Variants in SMURF2 observed in about 807,000 individuals in gnomAD.
SMURF2 encodes E3 ubiquitin-protein ligase SMURF2.
SMURF2 carries 48 observed loss-of-function variants against 109.6 expected under a neutral mutation model. The ratio of observed to expected loss-of-function variants is 0.44; its 90% CI spans 0.35 to 0.56. The LOEUF is 0.56. Among genes scored for constraint, SMURF2 ranks in the 20% least tolerant of loss-of-function variants. The pLI, the probability that SMURF2 is intolerant of heterozygous loss-of-function variation, is 0.01. For synonymous variants in SMURF2, 288 were observed against 317.1 expected, an observed-to-expected ratio of 0.91 and a Z score of 0.97; for missense variants, 575 against 909.0, an observed-to-expected ratio of 0.63 and a Z score of 4.72.
chr17:64,556,360 T>C (rs1969120105), intron 13 of SMURF2, among the ~76,000 whole-genome samples: 1 of 152,026 alleles, frequency 6.6e-6, no homozygotes, highest in Admixed American at 6.6e-5. Flanking sequence ...CTTTCAATCC[T>C]AAACCTCCCT....
chr17:64,550,800 T>C (rs1286298162), intron 16 of SMURF2, among the ~76,000 whole-genome samples: 7 of 151,836 alleles, frequency 4.6e-5, no homozygotes, highest in Middle Eastern at 6.8e-3. Context: ...TAGATTCAAT[T>C]TATCCTAGGT....
At chr17:64,661,403 C>T (rs1180271656) in intron 1 of SMURF2, among the ~76,000 whole-genome samples, 2 of 152,034 alleles carry the variant, frequency 1.3e-5, no homozygotes, top group Non-Finnish European at 2.9e-5. Context: ...TTAAGCGCTC[C>T]ATCTTTAAGG....
chr17:64,581,123 T>C lies in SMURF2; in HGVS notation c.570-132A>G. 4 of 796,208 alleles carry C rather than the reference T, an allele frequency of 5.0e-6. No homozygotes were observed. In the South Asian group the frequency reaches 5.4e-5, roughly 11 times the overall value. 49.3% of individuals were successfully genotyped at this position (796,208 alleles called of 1,614,324 possible). On this transcript the variant is annotated intron_variant, in intron 7 of 18. Coordinates refer to ENST00000262435, the MANE Select transcript of SMURF2 (RefSeq NM_022739.4). The surrounding 1 kb of genome is among the most constrained non-coding windows in gnomAD (Gnocchi z 4.3). ...AACAGAATGACTAATACAAGTATAA[T>C]GACTTCAAGAACTCTGAGTAAAAGC...
intron 1 of SMURF2, among the ~76,000 whole-genome samples, chr17:64,607,281 GGAT>G (rs1555689140): frequency 6.6e-6 from 1 of 152,092 alleles, no homozygotes; most frequent in African/African-American, 2.4e-5. Flanking sequence ...TTACACGGAT[GGAT>G]GCTCAACCTT....
In SMURF2 at chr17:64,608,043, A is replaced by AAATCAATC. The variant is rs782109804; in HGVS notation, c.53-1404_53-1403insGATTGATT. ...TAAATAAATAAATAAATAAATAAAT[A>AAATCAATC]AATCTGCTTATAGAGTCATAAACTT... On this transcript the variant is annotated intron_variant, in intron 1 of 18. Transcript: ENST00000262435. Among the ~76,000 whole-genome samples, 256 of 148,926 alleles carry AAATCAATC rather than the reference A, an allele frequency of 1.7e-3. 1 individual carries two copies. The highest frequency in any genetic ancestry group is 5.6e-3 in the African/African-American group (226 of 40,238).
At chr17:64,588,045 GA>G (rs74410480) in intron 5 of SMURF2, among the ~76,000 whole-genome samples, 57 of 46,492 alleles carry the variant, frequency 1.2e-3, no homozygotes, top group Non-Finnish European at 1.7e-3. Flanking sequence ...TGCAAAGTAG[GA>G]AAAAAAAAAA....
chr17:64,581,560 C>T lies in SMURF2; in HGVS notation c.570-569G>A, dbSNP rs1969578509. On this transcript the variant is annotated intron_variant, in intron 7 of 18. Coordinates refer to ENST00000262435, the MANE Select transcript of SMURF2 (RefSeq NM_022739.4). This position sits in a 1 kb window ranked among gnomAD's most constrained non-coding sequence, Gnocchi z 4.3. ...CACCCAGTCATTTGACAATACATCA[C>T]AAAAGGAAAGAAGACAGTTTGTCTC... Among the ~76,000 whole-genome samples the T allele has an allele frequency of 6.6e-6, 1 of 152,120 alleles. No homozygotes were observed. Among genetic ancestry groups the T allele is most frequent in the African/African-American group, 2.4e-5 (1 of 41,416 alleles).
Position 64,606,602 on chromosome 17 carries a change from G to T in SMURF2, c.91C>A (p.Arg31=). 1 of 1,539,242 alleles carries T rather than the reference G, an allele frequency of 6.5e-7. No individual in the cohort carries two copies. The highest frequency in any genetic ancestry group is 8.8e-7 in the Non-Finnish European group (1 of 1,135,828). ...AKNLVKKDFF[R]LPDPFAKVVV... is the part of the protein sequence containing the mutation. ...CAAGATTTAAAGTTAATTTACTTACGGAAAAAATCCTTTTTCACCAGGTTT... is the reference window on the plus strand; with the variant it reads ...CAAGATTTAAAGTTAATTTACTTACTGAAAAAATCCTTTTTCACCAGGTTT... Residue 31 remains arginine, a splice_region_variant and synonymous_variant, in exon 2 of 19, where the codon CGA becomes AGA. Transcript: ENST00000262435.
intron 1 of SMURF2, among the ~76,000 whole-genome samples, chr17:64,613,347 T>A (rs1224835229): frequency 1.3e-5 from 2 of 152,188 alleles, no homozygotes; most frequent in Non-Finnish European, 2.9e-5. Context: ...GTATATACAA[T>A]ATTATAATTT....
At chr17:64,640,374 T>G (rs997063020) in intron 1 of SMURF2, among the ~76,000 whole-genome samples, 5 of 151,862 alleles carry the variant, frequency 3.3e-5, no homozygotes, top group African/African-American at 1.2e-4. Context: ...ATACAAAGAC[T>G]CTGAGGTGGA....
chr17:64,622,114 A>G (rs1055337852), intron 1 of SMURF2, among the ~76,000 whole-genome samples: 2 of 150,654 alleles, frequency 1.3e-5, no homozygotes, highest in Admixed American at 6.6e-5. Context: ...TAAAAATAAA[A>G]AGCAGTATAA....
At chr17:64,618,323 T>C (rs990826209) in intron 1 of SMURF2, among the ~76,000 whole-genome samples, 9 of 152,134 alleles carry the variant, frequency 5.9e-5, no homozygotes, top group Non-Finnish European at 1.0e-4. Context: ...GCACATTCAG[T>C]ATGAGATAAA....
chr17:64,650,429 G>A (rs144940731), intron 1 of SMURF2, among the ~76,000 whole-genome samples: 2 of 152,016 alleles, frequency 1.3e-5, no homozygotes, highest in Non-Finnish European at 2.9e-5. Flanking sequence ...CAAGCACAGA[G>A]AAAATAAGTG....
intron 10 of SMURF2, among the ~76,000 whole-genome samples, chr17:64,566,096 G>A (rs771190101): frequency 1.3e-5 from 2 of 151,354 alleles, no homozygotes; most frequent in African/African-American, 2.4e-5. Flanking sequence ...GTTAACACTT[G>A]TCTAAAGAAA....
chr17:64,613,077 C>A (rs1027245383), intron 1 of SMURF2, among the ~76,000 whole-genome samples: 2 of 152,168 alleles, frequency 1.3e-5, no homozygotes, highest in African/African-American at 4.8e-5. Context: ...CAAAACATGA[C>A]CTGAGAACTG....
rs199676755 is a variant in SMURF2 at position 64,566,079 on chromosome 17, AAACTCCG to A, written c.1017-3120_1017-3114del. 2.2e-3 allele frequency among the ~76,000 whole-genome samples: 337 copies of A among 152,170 alleles called. 1 individual carries two copies. Among genetic ancestry groups the A allele is most frequent in the African/African-American group, 7.5e-3 (313 of 41,478 alleles). On this transcript the variant is annotated intron_variant, in intron 10 of 18. Coordinates refer to ENST00000262435, the MANE Select transcript of SMURF2 (RefSeq NM_022739.4). The stretch of plus-strand genomic sequence containing the variant: ...TTGACGGCTCATAGACATAGATTCA[AAACTCCG>A]TTAACACTTGTCTAAAGAAAAACCC...
At chr17:64,661,739 C>A in intron 1 of SMURF2, 90 bp downstream of exon 1, 1 of 971,604 alleles carries the variant, frequency 1.0e-6, no homozygotes, top group South Asian at 5.1e-5. Context: ...CATCATTGAT[C>A]GCGACCCTGG....
Position 64,547,635 on chromosome 17 carries a change from G to C in SMURF2, c.2036C>G (p.Ser679Cys), listed in dbSNP as rs1555683258. 6 of 1,613,996 alleles carry C rather than the reference G, an allele frequency of 3.7e-6. No individual in the cohort carries two copies. The highest frequency in any genetic ancestry group is 4.2e-6 in the Non-Finnish European group (5 of 1,180,018). The change falls in exon 17 of 19, where the codon TCT (serine) becomes TGT (cysteine). Residue 679 changes from serine to cysteine, a missense_variant. Transcript: ENST00000262435. This position sits in a 1 kb window ranked among gnomAD's most constrained non-coding sequence, Gnocchi z 4.2. Reference sequence around the variant, plus strand: ...TTTGAAGCCCTGCAGAGGCACTCGAGAGGATCCTGTCACAAACTGAAGCAA... The same window carrying C: ...TTTGAAGCCCTGCAGAGGCACTCGACAGGATCCTGTCACAAACTGAAGCAA... ...ARLLQFVTGS[S>C]RVPLQGFKAL...
chr17:64,580,688 C>T lies in SMURF2; in HGVS notation c.772+101G>A, dbSNP rs781886781. 4.9e-6 allele frequency: 6 copies of T among 1,223,124 alleles called. No individual in the cohort carries two copies. In the Admixed American group the frequency reaches 6.1e-5, roughly 12 times the overall value. The allele number at this position is 1,223,124 out of a possible 1,614,324, so 75.8% of individuals were successfully genotyped here. ...TTATATTTATTTTCATGCAGAATCC[C>T]TAAGCTCAGATTAATAACTTTTTCA... On this transcript the variant is annotated intron_variant, in intron 8 of 18. Coordinates refer to ENST00000262435, the MANE Select transcript of SMURF2 (RefSeq NM_022739.4).
Sources: allele counts gnomAD v4.1 joint callset (sites outside exome capture counted in the v4.1 genomes callset), GRCh38; gene constraint gnomAD v4.1.1; non-coding constraint Gnocchi (gnomAD v3.1); transcripts MANE v1.5; gene names NCBI Gene and HGNC (gene_info 2026-07-23, HGNC 2026-07-21).